The following NIT1 variants were observed in gnomAD, a reference collection of about 807,000 sequenced individuals.
NIT1 encodes the protein deaminated glutathione amidase.
A neutral mutation model predicts 36.8 loss-of-function variants in NIT1; 30 were observed. That is an observed-to-expected ratio of 0.82 (90% CI 0.61 to 1.11). NIT1 has a LOEUF of 1.11. Among genes scored for constraint, NIT1 ranks in the 50% least tolerant of loss-of-function variants. The pLI, the probability that NIT1 is intolerant of heterozygous loss-of-function variation, is 0.00. For missense variants in NIT1, 438 were observed against 410.6 expected, an observed-to-expected ratio of 1.07 and a Z score of -0.58; for synonymous variants, 151 against 155.6, an observed-to-expected ratio of 0.97 and a Z score of 0.22.
downstream of NIT1, chr1:161,121,752 T>G: frequency 6.0e-6 from 1 of 166,368 alleles, no homozygotes; most frequent in Non-Finnish European, 1.3e-5. Context: ...AGCCCTTTGG[T>G]TTTTTAGACA....
rs754144546 is a variant in NIT1 at position 161,118,140 on chromosome 1, C to T, written c.-37C>T. On this transcript the variant is annotated 5_prime_UTR_variant, in exon 1 of 7. Transcript: ENST00000368009. Reference sequence around the variant, plus strand: ...GCGCTTCTGGCTCCAGACCGCCCTCCGGATCGGACCCTGCGAATGGTTTTG... The same window carrying T: ...GCGCTTCTGGCTCCAGACCGCCCTCTGGATCGGACCCTGCGAATGGTTTTG... The T allele has an allele frequency of 3.1e-6, 5 of 1,613,790 alleles. No individual in the cohort carries two copies. The highest frequency in any genetic ancestry group is 1.7e-5 in the Admixed American group (1 of 59,994).
Position 161,118,977 on chromosome 1 carries a change from TTTGA to T in NIT1, c.98+100_98+103del, listed in dbSNP as rs1159820360. ...CACAGGAGTGTCAACTATCCACACA[TTTGA>T]TTGGTGAGCCCTACTAGCCCTGGGT... On this transcript the variant is annotated intron_variant, in intron 2 of 6. Coordinates refer to ENST00000368009, the MANE Select transcript of NIT1 (RefSeq NM_005600.3). The T allele has an allele frequency of 3.5e-5, 46 of 1,327,278 alleles. No individual in the cohort carries two copies. The African/African-American group carries it at 4.5e-4, about 13-fold the overall frequency. The allele number at this position is 1,327,278 out of a possible 1,614,324, so 82.2% of individuals were successfully genotyped here. A position where few individuals can be genotyped will look rare whatever the true frequency, so the allele number is the denominator to read the frequency against.
chr1:161,119,130 A>G lies in NIT1; in HGVS notation c.99-4A>G, dbSNP rs764787819. 1.2e-6 allele frequency: 2 copies of G among 1,613,306 alleles called. No homozygotes were observed. Among genetic ancestry groups the G allele is most frequent in the Non-Finnish European group, 1.7e-6 (2 of 1,179,910 alleles). On this transcript the variant is annotated splice_region_variant and splice_polypyrimidine_tract_variant and intron_variant, in intron 2 of 6. Transcript: ENST00000368009. ...TCTGAGAATCCTGCCTATGCTGTTC[A>G]CAGGCCCAGAGCCATGGCTATCTCC...
At chr1:161,123,626 ACT>A (rs1422538951), downstream of NIT1, among the ~76,000 whole-genome samples, 16 of 136,110 alleles carry the variant, frequency 1.2e-4, no homozygotes, top group South Asian at 5.0e-4. Context: ...ACAGAGGGAG[ACT>A]CTGTCTCAAA....
In NIT1 at chr1:161,118,144, T is replaced by A. The variant is rs757433697; in HGVS notation, c.-33T>A. The A allele has an allele frequency of 3.1e-6, 5 of 1,613,882 alleles. No homozygotes were observed. The highest frequency in any genetic ancestry group is 1.3e-5 in the African/African-American group (1 of 74,940). ...TTCTGGCTCCAGACCGCCCTCCGGA[T>A]CGGACCCTGCGAATGGTTTTGGCTA... On this transcript the variant is annotated 5_prime_UTR_variant, in exon 1 of 7. Transcript: ENST00000368009.
intron 2 of NIT1, 113 bp downstream of exon 2, chr1:161,118,994 A>G (rs1655116814): frequency 1.5e-6 from 2 of 1,346,068 alleles, no homozygotes; most frequent in East Asian, 2.3e-5. Flanking sequence ...GGTGAGCCCT[A>G]CTAGCCCTGG....
intron 2 of NIT1, 29 bp from the exon 3 acceptor site, chr1:161,119,105 T>C: frequency 6.2e-7 from 1 of 1,608,878 alleles, no homozygotes; most frequent in Non-Finnish European, 8.5e-7. Context: ...TGCTATGAAA[T>C]CTGAGAATCC....
At chr1:161,124,402 G>T, downstream of NIT1, 1 of 1,613,152 alleles carries the variant, frequency 6.2e-7, no homozygotes, top group Non-Finnish European at 8.5e-7. Flanking sequence ...TACAGCCCAT[G>T]TTCCTGCTCA....
intron 4 of NIT1, 37 bp from the exon 5 acceptor site, chr1:161,119,782 G>A: frequency 6.3e-7 from 1 of 1,577,334 alleles, no homozygotes; most frequent in Non-Finnish European, 8.6e-7. Flanking sequence ...AAGGCTTCTA[G>A]AACACCAGCA....
rs894105523 is a variant in NIT1, at chr1:161,118,780, C to G, written c.3-6C>G. 8 of 1,608,946 alleles carry G rather than the reference C, an allele frequency of 5.0e-6. No individual in the cohort carries two copies. In the African/African-American group the frequency reaches 1.1e-4, roughly 22 times the overall value. ...GGTTGGTGTCCTCATATCTCACCTT[C>G]CTCAGGCTGGGCTTCATCACCAGGC... On this transcript the variant is annotated splice_polypyrimidine_tract_variant and splice_region_variant and intron_variant, in intron 1 of 6. Transcript: ENST00000368009.
At chr1:161,123,325 C>T, downstream of NIT1, 1 of 1,160,166 alleles carries the variant, frequency 8.6e-7, no homozygotes, top group Non-Finnish European at 1.2e-6. Flanking sequence ...GCACTAAAAG[C>T]AGTGGAAAAA....
intron 6 of NIT1, 71 bp from the exon 7 acceptor site, chr1:161,120,428 T>C (rs1312914495): frequency 6.5e-7 from 1 of 1,547,470 alleles, no homozygotes; most frequent in African/African-American, 1.4e-5. Context: ...GATTGGTCTG[T>C]AATGTCCCTC....
chr1:161,122,306 G>C, downstream of NIT1: 1 of 1,614,226 alleles, frequency 6.2e-7, no homozygotes, highest in East Asian at 2.2e-5. The surrounding 1 kb of genome is among the most constrained non-coding windows in gnomAD (Gnocchi z 4.2). Flanking sequence ...CTAATAAAGA[G>C]CCATTGATGT....
chr1:161,123,190 G>A (rs748205290), downstream of NIT1: 6 of 1,614,174 alleles, frequency 3.7e-6, no homozygotes, highest in Non-Finnish European at 4.2e-6. Flanking sequence ...GACCCGAAGT[G>A]GGGCAACACA....
downstream of NIT1, chr1:161,121,221 A>T: frequency 1.0e-6 from 1 of 984,160 alleles, no homozygotes; most frequent in Non-Finnish European, 1.2e-6. Context: ...CATTCTCCCA[A>T]GCATGGGAGT....
intron 6 of NIT1, 79 bp from the exon 7 acceptor site, chr1:161,120,420 T>C (rs1655328124): frequency 1.3e-6 from 2 of 1,512,964 alleles, no homozygotes; most frequent in African/African-American, 1.4e-5. Flanking sequence ...AATGGGTAGA[T>C]TGGTCTGTAA....
At chr1:161,124,756 G>GT (rs1418447661), downstream of NIT1, 7 of 362,218 alleles carry the variant, frequency 1.9e-5, no homozygotes, top group African/African-American at 6.2e-5. Flanking sequence ...GAGCCCAGGC[G>GT]TTTAAGACCA....
downstream of NIT1, chr1:161,123,966 C>T: frequency 6.2e-7 from 1 of 1,611,726 alleles, no homozygotes; most frequent in Non-Finnish European, 8.5e-7. Flanking sequence ...GAGAAGTAAT[C>T]ATTCAGGAAA....
chr1:161,119,667 C>G (rs1434285551), intron 4 of NIT1, 55 bp downstream of exon 4: 1 of 1,250,382 alleles, frequency 8.0e-7, no homozygotes. Flanking sequence ...TACCTAGATT[C>G]TCCAGAATTG....
Sources: gnomAD v4.1 joint callset for allele counts (sites outside exome capture counted in the v4.1 genomes callset) on GRCh38, gnomAD v4.1.1 for gene constraint, Gnocchi (gnomAD v3.1) non-coding constraint, MANE v1.5 for transcripts, NCBI Gene and HGNC (gene_info 2026-07-23, HGNC 2026-07-21) for gene names.